TUBE1: variants seen among roughly 807,000 people sequenced by gnomAD.
The protein encoded by TUBE1 is tubulin epsilon 1.
A neutral mutation model predicts 53.5 loss-of-function variants in TUBE1; 34 were observed. The ratio of observed to expected loss-of-function variants is 0.64; its 90% CI spans 0.48 to 0.85. TUBE1 has a LOEUF of 0.85. TUBE1 is among the 40% of genes least tolerant of loss of function. The probability of loss-of-function intolerance (pLI) is 0.00; values close to 1 mark genes in which losing one functional copy is unlikely to be tolerated. For missense variants in TUBE1, 532 were observed against 570.5 expected, an observed-to-expected ratio of 0.93 and a Z score of 0.69; for synonymous variants, 177 against 198.4, an observed-to-expected ratio of 0.89 and a Z score of 0.91.
intron 4 of TUBE1, 77 bp from the exon 5 acceptor site, chr6:112,081,284 C>T (rs587728083): frequency 1.0e-4 from 75 of 717,200 alleles, no homozygotes; most frequent in South Asian, 7.4e-5. Flanking sequence ...AGAATTTATG[C>T]GCTGAATATT....
chr6:112,081,266 A>G, intron 4 of TUBE1, 59 bp from the exon 5 acceptor site: 1 of 922,100 alleles, frequency 1.1e-6, no homozygotes, highest in Non-Finnish European at 1.7e-6. Context: ...TTCACTCTGT[A>G]AATGAAAAGA....
At chr6:112,084,707 A>G (rs1777121429) in intron 3 of TUBE1, among the ~76,000 whole-genome samples, 1 of 152,186 alleles carries the variant, frequency 6.6e-6, no homozygotes, top group Non-Finnish European at 1.5e-5. Flanking sequence ...CATTCCTTTA[A>G]ACCTAGAACA....
In TUBE1 at chr6:112,071,972, G is replaced by C. The variant is rs782166625; in HGVS notation, c.1199C>G (p.Ala400Gly). ...VGHSHSLLAL[A>G]NNTCVKPTFM... is the part of the protein sequence containing the mutation. ...GGTGGGCTTCACACATGTGTTATTTGCTAAAGCTAATAACGAATGAGAATG... is the reference window on the plus strand; with the variant it reads ...GGTGGGCTTCACACATGTGTTATTTCCTAAAGCTAATAACGAATGAGAATG... The change falls in exon 11 of 12, where the codon GCA (alanine) becomes GGA (glycine). Residue 400 changes from alanine (A) to glycine (G), a missense_variant. Coordinates refer to ENST00000368662, the MANE Select transcript of TUBE1 (RefSeq NM_016262.5). The C allele has an allele frequency of 3.7e-6, 6 of 1,612,734 alleles. No individual in the cohort carries two copies. The East Asian group carries it at 1.3e-4, about 36-fold the overall frequency.
At chr6:112,074,610 T>C in intron 9 of TUBE1, 100 bp downstream of exon 9, 1 of 824,120 alleles carries the variant, frequency 1.2e-6, no homozygotes, top group Non-Finnish European at 1.7e-6. Context: ...GATAAGATGA[T>C]ACAATTAAAT....
At position 112,071,397 on chromosome 6, in the gene TUBE1, T is replaced by C; in HGVS notation, c.*15A>G. On this transcript the variant is annotated 3_prime_UTR_variant, in exon 12 of 12. Transcript: ENST00000368662. The stretch of plus-strand genomic sequence containing the variant: ...ACAATGTGAAATTAAGAAAGTATTT[T>C]TGAGGGTTTCTTTTTCACATAGCTA... The C allele has an allele frequency of 1.4e-6, 2 of 1,472,144 alleles. No individual in the cohort carries two copies. The highest frequency in any genetic ancestry group is 1.8e-6 in the Non-Finnish European group (2 of 1,097,710). The allele number at this position is 1,472,144 out of a possible 1,614,324, so 91.2% of individuals were successfully genotyped here.
intron 6 of TUBE1, chr6:112,077,459 A>G (rs1776990360): frequency 7.1e-6 from 1 of 140,828 alleles, no homozygotes; most frequent in Non-Finnish European, 1.5e-5. Flanking sequence ...AAACTAATGA[A>G]CAGATTAGTA....
intron 6 of TUBE1, chr6:112,077,818 C>T (rs917336836): frequency 6.6e-6 from 1 of 151,156 alleles, no homozygotes; most frequent in Non-Finnish European, 1.5e-5. Context: ...TAAAAAAACC[C>T]ATAAAAAATA....
In TUBE1 at chr6:112,076,049, C is replaced by T. The variant is rs201725931; in HGVS notation, c.700G>A (p.Val234Met). ...GAAGTAACCAGACTCTTTGGCTTCA[C>T]AGTTGTACCCAACTTTCCAGAATTC... ...MVNSGKLGTT[V>M]KPKSLVTSSS... The change falls in exon 8 of 12, where the codon GTG becomes ATG. Residue 234 changes from valine to methionine, a missense_variant. Transcript: ENST00000368662. 2 of 1,613,780 alleles carry T rather than the reference C, an allele frequency of 1.2e-6. No individual in the cohort carries two copies. Among genetic ancestry groups the T allele is most frequent in the Admixed American group, 1.7e-5 (1 of 59,992 alleles).
intron 3 of TUBE1, 93 bp downstream of exon 3, chr6:112,086,463 C>A: frequency 1.2e-6 from 1 of 835,868 alleles, no homozygotes; most frequent in Non-Finnish European, 1.9e-6. Context: ...CACAACTTCG[C>A]AGCTGGCTAT....
At chr6:112,073,523 C>G (rs1221046446) in intron 9 of TUBE1, among the ~76,000 whole-genome samples, 1 of 152,160 alleles carries the variant, frequency 6.6e-6, no homozygotes, top group African/African-American at 2.4e-5. Flanking sequence ...CAATGCTAGG[C>G]TGATGCCAAT....
intron 4 of TUBE1, among the ~76,000 whole-genome samples, chr6:112,083,629 AT>A (rs1777106019): frequency 6.6e-6 from 1 of 152,188 alleles, no homozygotes; most frequent in Non-Finnish European, 1.5e-5. Flanking sequence ...CTTCCATAAC[AT>A]TTAAACTTTC....
rs781904498 is a variant in TUBE1, at chr6:112,076,058, C to A, written c.691G>T (p.Gly231Cys). 12 of 1,613,342 alleles carry A rather than the reference C, an allele frequency of 7.4e-6. No homozygotes were observed. The highest frequency in any genetic ancestry group is 1.0e-5 in the Non-Finnish European group (12 of 1,179,780). Reference protein sequence around the residue: ...IDLMVNSGKLGTTVKPKSLVT... With the variant: ...IDLMVNSGKLCTTVKPKSLVT... ...AGACTCTTTGGCTTCACAGTTGTAC[C>A]CAACTTTCCAGAATTCACCATGAGG... Residue 231 changes from glycine to cysteine, a missense_variant, in exon 8 of 12, where the codon GGT becomes TGT. Transcript: ENST00000368662.
At chr6:112,071,778 T>A (rs1776870072) in intron 11 of TUBE1, 124 bp downstream of exon 11, 7 of 1,042,190 alleles carry the variant, frequency 6.7e-6, no homozygotes, top group Non-Finnish European at 9.4e-6. Context: ...TCCTCTTCAG[T>A]TATAATCAGT....
intron 4 of TUBE1, chr6:112,083,901 T>C (rs1189587843): frequency 1.5e-5 from 5 of 339,668 alleles, no homozygotes; most frequent in Non-Finnish European, 2.7e-5. Flanking sequence ...CATTAAACTG[T>C]ACTAGTACGT....
intron 11 of TUBE1, 84 bp downstream of exon 11, chr6:112,071,818 T>G (rs1370123539): frequency 7.5e-7 from 1 of 1,331,660 alleles, no homozygotes; most frequent in East Asian, 2.4e-5. Context: ...ACATCACCCC[T>G]GATTTGTAAT....
At chr6:112,077,913 A>G (rs1554316283) in intron 6 of TUBE1, 1 of 152,120 alleles carries the variant, frequency 6.6e-6, no homozygotes, top group African/African-American at 2.4e-5. Flanking sequence ...ACAAATCAAC[A>G]ACAAAAAATA....
At chr6:112,085,528 G>T in intron 3 of TUBE1, 1 of 375,246 alleles carries the variant, frequency 2.7e-6, no homozygotes, top group Non-Finnish European at 5.3e-6. Flanking sequence ...CGCCGGAAAG[G>T]AAGTATGACA....
rs1777184688 is a variant in TUBE1, at chr6:112,087,415, A to G, written c.20T>C (p.Val7Ala). ...ACCCGCCCGGCGTAGCTTACCCTGT[A>G]CGACCACCGACTGGGTCATGGTGGT... is the stretch of plus-strand genomic sequence containing the variant. MTQSVV[V>A]QVGQCGNQIG... The change falls in exon 1 of 12, where the codon GTA becomes GCA. Residue 7 changes from valine to alanine, a missense_variant. By Grantham distance (64) the Val-to-Ala change is moderately conservative. Transcript: ENST00000368662. The G allele has an allele frequency of 1.3e-6, 2 of 1,550,706 alleles. No individual in the cohort carries two copies. The highest frequency in any genetic ancestry group is 1.7e-6 in the Non-Finnish European group (2 of 1,146,686).
chr6:112,081,097 A>G lies in TUBE1; in HGVS notation c.321T>C (p.Asn107=), dbSNP rs782640369. The change falls in exon 5 of 12, where the codon AAT becomes AAC. Residue 107 remains asparagine (N), a synonymous_variant. Transcript: ENST00000368662. ...QLITDISGSG[N]NWAVGHKVFG... Reference sequence around the variant, plus strand: ...TTTACGCTGTGTATTCTCACCAATTATTTCCTGAGCCAGAAATATCAGTGA... The same window carrying G: ...TTTACGCTGTGTATTCTCACCAATTGTTTCCTGAGCCAGAAATATCAGTGA... 1 of 1,584,866 alleles carries G rather than the reference A, an allele frequency of 6.3e-7. No individual in the cohort carries two copies. The highest frequency in any genetic ancestry group is 1.4e-5 in the African/African-American group (1 of 73,966).
Sources: allele counts gnomAD v4.1 joint callset (sites outside exome capture counted in the v4.1 genomes callset), GRCh38; gene constraint gnomAD v4.1.1; transcripts MANE v1.5; gene names NCBI Gene and HGNC (gene_info 2026-07-23, HGNC 2026-07-21).